LRP12: variants seen among roughly 807,000 people sequenced by gnomAD.
LRP12 encodes the protein LDL receptor related protein 12.
In LRP12, 14 loss-of-function variants were observed where a neutral mutation model predicts 66.0. The observed-to-expected ratio is 0.21, with a 90% CI of 0.14 to 0.33. LRP12 has a LOEUF of 0.33. LRP12 is among the 10% of genes least tolerant of loss of function. The pLI, the probability that LRP12 is intolerant of heterozygous loss-of-function variation, is 1.00. For missense variants in LRP12, 889 were observed against 1,053.4 expected, an observed-to-expected ratio of 0.84 and a Z score of 2.16; for synonymous variants, 357 against 359.1, an observed-to-expected ratio of 0.99 and a Z score of 0.07.
chr8:104,560,581 T>C (rs565613811), intron 1 of LRP12, among the ~76,000 whole-genome samples: 1 of 152,338 alleles, frequency 6.6e-6, no homozygotes, highest in South Asian at 2.1e-4. Context: ...TCAATTTGTC[T>C]TTGCTGTATT....
intron 1 of LRP12, among the ~76,000 whole-genome samples, chr8:104,550,408 G>A (rs1025865109): frequency 6.6e-6 from 1 of 152,162 alleles, no homozygotes; most frequent in Non-Finnish European, 1.5e-5. Context: ...TGAAGGAGGT[G>A]TTAGTCCAAT....
intron 1 of LRP12, among the ~76,000 whole-genome samples, chr8:104,553,841 A>T (rs759614075): frequency 1.3e-5 from 2 of 152,154 alleles, no homozygotes; most frequent in Non-Finnish European, 2.9e-5. Flanking sequence ...CCAGTGCACT[A>T]AACAAAAATA....
intron 1 of LRP12, among the ~76,000 whole-genome samples, chr8:104,586,586 C>T (rs1812336786): frequency 6.6e-6 from 1 of 152,230 alleles, no homozygotes; most frequent in South Asian, 2.1e-4. Flanking sequence ...AGCTATTTCT[C>T]AGGATGCATC....
At chr8:104,503,345 A>T (rs959867203) in intron 3 of LRP12, among the ~76,000 whole-genome samples, 4 of 150,832 alleles carry the variant, frequency 2.7e-5, no homozygotes, top group African/African-American at 9.7e-5. Context: ...AAAAAAAAAA[A>T]AAAAAAAAAA....
At chr8:104,574,429 T>C (rs181533698) in intron 1 of LRP12, among the ~76,000 whole-genome samples, 1 of 152,354 alleles carries the variant, frequency 6.6e-6, no homozygotes, top group East Asian at 1.9e-4. Context: ...CCATAATTTA[T>C]TCATCTATTC....
At chr8:104,520,038 T>A (rs1051633604) in intron 2 of LRP12, among the ~76,000 whole-genome samples, 6 of 149,200 alleles carry the variant, frequency 4.0e-5, no homozygotes. Context: ...GAGGCAAAAA[T>A]ATAAAGAGAG....
At chr8:104,555,878 T>C (rs1811799233) in intron 1 of LRP12, among the ~76,000 whole-genome samples, 1 of 152,022 alleles carries the variant, frequency 6.6e-6, no homozygotes, top group Non-Finnish European at 1.5e-5. Context: ...CATCAGCACA[T>C]GAACAGTCTC....
chr8:104,582,869 A>T (rs1170495785), intron 1 of LRP12, among the ~76,000 whole-genome samples: 1 of 152,084 alleles, frequency 6.6e-6, no homozygotes, highest in African/African-American at 2.4e-5. Flanking sequence ...CCTCCTCTTC[A>T]CTGATGATCT....
At chr8:104,520,915 C>A (rs549599595) in intron 2 of LRP12, among the ~76,000 whole-genome samples, 1 of 151,974 alleles carries the variant, frequency 6.6e-6, no homozygotes, top group African/African-American at 2.4e-5. Context: ...TGCCTTTTTA[C>A]GTTCACTAGG....
chr8:104,493,520 C>T (rs1160137558), intron 6 of LRP12, among the ~76,000 whole-genome samples: 2 of 152,200 alleles, frequency 1.3e-5, no homozygotes, highest in African/African-American at 4.8e-5. Flanking sequence ...ATCTCCAAGC[C>T]CTTCCACTGT....
intron 2 of LRP12, among the ~76,000 whole-genome samples, chr8:104,524,020 C>G (rs1027033273): frequency 2.6e-5 from 4 of 151,932 alleles, no homozygotes; most frequent in Non-Finnish European, 5.9e-5. Context: ...CCAAGGTGGG[C>G]AGATCACTTG....
At chr8:104,555,005 A>T (rs558280422) in intron 1 of LRP12, among the ~76,000 whole-genome samples, 6 of 152,318 alleles carry the variant, frequency 3.9e-5, no homozygotes, top group African/African-American at 1.4e-4. Context: ...TCAGCCAAGA[A>T]TTCTGTATCC....
intron 1 of LRP12, among the ~76,000 whole-genome samples, chr8:104,535,495 TC>T (rs1486224572): frequency 1.3e-5 from 2 of 152,020 alleles, no homozygotes; most frequent in Non-Finnish European, 2.9e-5. Flanking sequence ...ATTAACTTTG[TC>T]TTCTTTTATA....
chr8:104,524,403 T>C (rs978097853), intron 2 of LRP12, among the ~76,000 whole-genome samples: 1 of 152,190 alleles, frequency 6.6e-6, no homozygotes, highest in Non-Finnish European at 1.5e-5. Flanking sequence ...TCTTCCACTA[T>C]GCAGGGAATT....
At chr8:104,547,691 A>G (rs1219361933) in intron 1 of LRP12, among the ~76,000 whole-genome samples, 2 of 126,126 alleles carry the variant, frequency 1.6e-5, no homozygotes, top group East Asian at 4.4e-4. Flanking sequence ...TATAATATAA[A>G]ATCATATATT....
rs556238672 is a variant in LRP12 at position 104,503,233 on chromosome 8, G to A, written c.273-3714C>T. On this transcript the variant is annotated intron_variant, in intron 3 of 6. Transcript: ENST00000276654. Reference sequence around the variant, plus strand: ...TCCCAGCTACTCGGGAGGCTGAGGCGGGAGAACTGCTTGAACCCGGGAGGC... The same window carrying A: ...TCCCAGCTACTCGGGAGGCTGAGGCAGGAGAACTGCTTGAACCCGGGAGGC... Among the ~76,000 whole-genome samples, 10 of 150,394 alleles carry A rather than the reference G, an allele frequency of 6.6e-5. No individual in the cohort carries two copies. In the East Asian group the frequency reaches 9.8e-4, roughly 15 times the overall value.
At chr8:104,586,956 A>G (rs1293534340) in intron 1 of LRP12, among the ~76,000 whole-genome samples, 1 of 152,130 alleles carries the variant, frequency 6.6e-6, no homozygotes, top group Non-Finnish European at 1.5e-5. Flanking sequence ...GTCTTTGCTT[A>G]CTAACAATTT....
intron 1 of LRP12, among the ~76,000 whole-genome samples, chr8:104,546,424 C>G (rs530056682): frequency 6.6e-6 from 1 of 152,294 alleles, no homozygotes; most frequent in African/African-American, 2.4e-5. Flanking sequence ...ACCTTTAAAG[C>G]TGGACAACCA....
Position 104,499,470 on chromosome 8 carries a change from A to G in LRP12, c.322T>C (p.Leu108=), listed in dbSNP as rs760476880. 1.9e-6 allele frequency: 3 copies of G among 1,613,616 alleles called. No homozygotes were observed. In the East Asian group the frequency reaches 6.7e-5, roughly 36 times the overall value. ...ATATTCTTGTATGTTTCTATTGTCAACCAGTCCAAATTGCACCTTCTGGAT... is the reference window on the plus strand; with the variant it reads ...ATATTCTTGTATGTTTCTATTGTCAGCCAGTCCAAATTGCACCTTCTGGAT... The part of the protein sequence containing the change: ...QGSRRCNLDW[L]TIETYKNIES... The change falls in exon 4 of 7, where the codon TTG becomes CTG. Residue 108 remains leucine, a synonymous_variant. Transcript: ENST00000276654.
Sources: gnomAD v4.1 joint callset for allele counts (sites outside exome capture counted in the v4.1 genomes callset) on GRCh38, gnomAD v4.1.1 for gene constraint, MANE v1.5 for transcripts, NCBI Gene and HGNC (gene_info 2026-07-23, HGNC 2026-07-21) for gene names.